Variants in ZNF880 observed in about 807,000 individuals in gnomAD.
The protein encoded by ZNF880 is zinc finger protein LOC400713.
In ZNF880, 12 loss-of-function variants were observed where a neutral mutation model predicts 11.8. The observed-to-expected ratio is 1.02, with a 90% confidence interval of 0.65 to 1.65. The LOEUF (loss-of-function observed/expected upper bound fraction) is 1.65. Ranked by LOEUF, ZNF880 falls within the 40% of genes most tolerant of loss-of-function variation. The probability of loss-of-function intolerance (pLI) is 0.00; values close to 1 mark genes in which losing one functional copy is unlikely to be tolerated. For missense variants in ZNF880, 601 were observed against 673.9 expected (o/e 0.89, Z 1.20); for synonymous variants, 210 against 232.4 (o/e 0.90, Z 0.88).
intron 3 of ZNF880, among the ~76,000 whole-genome samples, chr19:52,383,550 C>T (rs1450555042): frequency 1.3e-5 from 2 of 152,156 alleles, no homozygotes; most frequent in African/African-American, 4.8e-5. Flanking sequence ...TCTAAAAGTT[C>T]TGATTTTCCT....
chr19:52,370,167 T>C (rs1404989614), intron 1 of ZNF880, 190 bp downstream of exon 1: 2 of 709,530 alleles, frequency 2.8e-6, no homozygotes, highest in East Asian at 2.8e-5. Flanking sequence ...AGGCTGGTCC[T>C]GTCCCCGGTC....
intron 2 of ZNF880, among the ~76,000 whole-genome samples, chr19:52,373,493 A>G (rs1490521063): frequency 6.6e-6 from 1 of 152,140 alleles, no homozygotes; most frequent in Non-Finnish European, 1.5e-5. Flanking sequence ...ATTGAGTGGT[A>G]CCAGGGCTTA....
At chr19:52,380,162 A>C (rs1217667602) in intron 3 of ZNF880, 1 of 151,996 alleles carries the variant, frequency 6.6e-6, no homozygotes, top group Non-Finnish European at 1.5e-5. Flanking sequence ...AGCCTCCCAA[A>C]GTGCTGGGAT....
chr19:52,390,377 C>A (rs1018352546), downstream of ZNF880: 11 of 399,748 alleles, frequency 2.8e-5, no homozygotes, highest in Non-Finnish European at 5.6e-5. Flanking sequence ...ATCCTGCAGA[C>A]CCTGCCCCTC....
At chr19:52,388,113 T>C (rs10415459), downstream of ZNF880, among the ~76,000 whole-genome samples, 92,973 of 125,432 alleles carry the variant, frequency 0.74, 35,792 homozygotes, top group African/African-American at 0.87. Flanking sequence ...CTCCTGACCT[T>C]GTGATCCACC....
At chr19:52,393,713 C>T in the ZNF880 span, among the ~76,000 whole-genome samples, 1 of 138,152 alleles carries the variant, frequency 7.2e-6, no homozygotes, top group Non-Finnish European at 1.6e-5. Flanking sequence ...TGGAGTCTTC[C>T]AATAAATGTA....
downstream of ZNF880, chr19:52,390,162 C>T: frequency 2.3e-5 from 4 of 177,444 alleles, no homozygotes; most frequent in South Asian, 3.0e-4. Flanking sequence ...GCCACAGGGC[C>T]ATATAGACAG....
At chr19:52,377,475 T>C (rs990040934) in intron 3 of ZNF880, among the ~76,000 whole-genome samples, 2 of 152,214 alleles carry the variant, frequency 1.3e-5, no homozygotes, top group Admixed American at 6.5e-5. Context: ...TCTGATATTA[T>C]GTATCTGGAA....
the ZNF880 span, chr19:52,391,632 T>C: frequency 6.6e-6 from 1 of 152,164 alleles, no homozygotes; most frequent in Non-Finnish European, 1.5e-5. Flanking sequence ...ATATTATGAT[T>C]AATTTCTCTA....
At chr19:52,393,754 ATTTCT>A in the ZNF880 span, among the ~76,000 whole-genome samples, 4 of 147,430 alleles carry the variant, frequency 2.7e-5, no homozygotes, top group East Asian at 6.1e-4. Context: ...GCTGTCTTTG[ATTTCT>A]TTTATCAGCA....
the ZNF880 span, among the ~76,000 whole-genome samples, chr19:52,394,569 A>AAGGTCAAAGGACCAAAGGTAGC: frequency 1.9e-3 from 295 of 152,306 alleles, 1 homozygote; most frequent in East Asian, 0.023. Flanking sequence ...GGTTGACCTT[A>AAGGTCAAAGGACCAAAGGTAGC]TACTTTGCTA....
the ZNF880 span, chr19:52,394,715 G>C: frequency 6.6e-6 from 1 of 151,990 alleles, no homozygotes; most frequent in Non-Finnish European, 1.5e-5. Context: ...TTATAATTCT[G>C]TAAGTCACAT....
upstream of ZNF880, chr19:52,369,818 T>C (rs1175689123): frequency 2.1e-6 from 2 of 953,292 alleles, no homozygotes. Flanking sequence ...CCACGGCAGG[T>C]CTAGCCTCCA....
chr19:52,386,484 C>T (rs1188472728), downstream of ZNF880, among the ~76,000 whole-genome samples: 1 of 143,014 alleles, frequency 7.0e-6, no homozygotes, highest in Non-Finnish European at 1.5e-5. Context: ...ATAGCAATCA[C>T]TGTTTAGGCA....
At position 52,374,357 on chromosome 19, in the gene ZNF880, G is replaced by C. The variant is rs752586650; in HGVS notation, c.198G>C (p.Arg66=). ...TGTTGGAGCAAAGGAGAGATCCCCG[G>C]AATCTGCAGAGTGAAGTGAAAATAG... ...ISMLEQRRDP[R]NLQSEVKIAN... The change falls in exon 3 of 4, where the codon CGG becomes CGC. Residue 66 remains arginine, a synonymous_variant. Coordinates refer to ENST00000422689, the MANE Select transcript of ZNF880 (RefSeq NM_001145434.2). 24 of 1,613,696 alleles carry C rather than the reference G, an allele frequency of 1.5e-5. No individual in the cohort carries two copies. The highest frequency in any genetic ancestry group is 1.9e-5 in the Non-Finnish European group (23 of 1,179,850).
downstream of ZNF880, chr19:52,389,537 A>T (rs369112513): frequency 6.6e-6 from 1 of 152,226 alleles, no homozygotes; most frequent in Admixed American, 6.5e-5. Flanking sequence ...CAGGGAACCC[A>T]TGTCTGCCCC....
intron 3 of ZNF880, among the ~76,000 whole-genome samples, chr19:52,377,138 A>T (rs1294102630): frequency 6.6e-6 from 1 of 152,112 alleles, no homozygotes; most frequent in Non-Finnish European, 1.5e-5. Flanking sequence ...AAGTTTATAC[A>T]TCAAACCTGG....
intron 1 of ZNF880, 27 bp from the exon 2 acceptor site, chr19:52,373,084 G>C: frequency 6.2e-7 from 1 of 1,610,334 alleles, no homozygotes; most frequent in Non-Finnish European, 8.5e-7. Context: ...GTGATATCCT[G>C]TTGGTGAAAT....
chr19:52,373,855 G>A (rs149091887), intron 2 of ZNF880, among the ~76,000 whole-genome samples: 1,791 of 150,450 alleles, frequency 0.012, 15 homozygotes, highest in Non-Finnish European at 0.017. Context: ...ATTTTTAGTG[G>A]AGATGGGGTT....
Sources: gnomAD v4.1 joint callset for allele counts (sites outside exome capture counted in the v4.1 genomes callset) on GRCh38, gnomAD v4.1.1 for gene constraint, MANE v1.5 for transcripts, NCBI Gene and HGNC (gene_info 2026-07-23, HGNC 2026-07-21) for gene names.